The following EXOC4 variants were observed in gnomAD, a reference collection of about 807,000 sequenced individuals.
The protein encoded by EXOC4 is SEC8-like 1.
Under a neutral mutation model 107.2 loss-of-function variants are expected in EXOC4, and 71 were observed. The ratio of observed to expected loss-of-function variants is 0.66; its 90% CI spans 0.55 to 0.81. EXOC4 has a LOEUF of 0.81. Ranked by LOEUF, EXOC4 falls within the 30% of genes least tolerant of loss-of-function variation. The pLI is 0.00. For missense variants in EXOC4, 1,108 were observed against 1,189.6 expected, an observed-to-expected ratio of 0.93 and a Z score of 1.01; for synonymous variants, 456 against 441.2, an observed-to-expected ratio of 1.03 and a Z score of -0.42.
At chr7:134,045,793 C>T (rs764462721) in intron 17 of EXOC4, among the ~76,000 whole-genome samples, 2 of 152,084 alleles carry the variant, frequency 1.3e-5, no homozygotes, top group African/African-American at 2.4e-5. Flanking sequence ...CCAAACGCTA[C>T]CCCTGGCAAC....
intron 9 of EXOC4, among the ~76,000 whole-genome samples, chr7:133,493,182 T>C (rs1489555687): frequency 6.6e-6 from 1 of 152,184 alleles, no homozygotes; most frequent in Non-Finnish European, 1.5e-5. Context: ...CCCAGCACTT[T>C]GGGAGGCCGA....
Position 134,064,401 on chromosome 7 carries a change from A to G in EXOC4, c.2798A>G (p.His933Arg). ...TACATCCACGCTCTGACCCTGCTGC[A>G]CCGCAGCCAGACTGGGGTGGGGGAA... is the stretch of plus-strand genomic sequence containing the variant. ...LEYIHALTLL[H>R]RSQTGVGELT... is the part of the protein sequence containing the mutation. The change falls in exon 18 of 18, where the codon CAC (histidine) becomes CGC (arginine). Residue 933 changes from histidine to arginine, a missense_variant. Physicochemically the swap from His to Arg is conservative, Grantham distance 29. Transcript: ENST00000253861. 1 of 1,607,356 alleles carries G rather than the reference A, an allele frequency of 6.2e-7. No homozygotes were observed. The highest frequency in any genetic ancestry group is 8.5e-7 in the Non-Finnish European group (1 of 1,176,364).
chr7:134,072,020 C>T, the EXOC4 span, among the ~76,000 whole-genome samples: 5 of 152,348 alleles, frequency 3.3e-5, no homozygotes, highest in East Asian at 1.9e-4. Context: ...GCTTCTCCTC[C>T]ACCCACAGCT....
intron 7 of EXOC4, among the ~76,000 whole-genome samples, chr7:133,400,465 A>G (rs1797064955): frequency 6.6e-6 from 1 of 152,180 alleles, no homozygotes; most frequent in East Asian, 1.9e-4. Context: ...TATAGTGACC[A>G]GTTATTTGGG....
At chr7:133,915,130 G>C (rs1419125894) in intron 12 of EXOC4, among the ~76,000 whole-genome samples, 4 of 152,216 alleles carry the variant, frequency 2.6e-5, no homozygotes, top group African/African-American at 9.7e-5. Context: ...GAGATTTCAT[G>C]AATGAGAGGT....
intron 5 of EXOC4, among the ~76,000 whole-genome samples, chr7:133,353,023 T>C (rs922898321): frequency 6.6e-5 from 10 of 152,132 alleles, no homozygotes; most frequent in African/African-American, 2.2e-4. Flanking sequence ...TTCTTTTAAA[T>C]GCATTAGCCT....
chr7:133,253,405 G>C, intron 1 of EXOC4: 1 of 1,312,722 alleles, frequency 7.6e-7, no homozygotes, highest in Non-Finnish European at 9.7e-7. Context: ...CCCCGCCTCA[G>C]TCTTTTCTTT....
chr7:133,480,403 A>G (rs1584949783), intron 9 of EXOC4: 2 of 1,240,204 alleles, frequency 1.6e-6, no homozygotes, highest in Non-Finnish European at 2.0e-6. Context: ...TTGCTTAAAC[A>G]GAAGACCTGA....
intron 10 of EXOC4, among the ~76,000 whole-genome samples, chr7:133,662,005 T>G (rs1443625890): frequency 6.6e-6 from 1 of 152,182 alleles, no homozygotes; most frequent in Non-Finnish European, 1.5e-5. Context: ...GAGCCTTTTA[T>G]GTGGATGAGC....
intron 9 of EXOC4, among the ~76,000 whole-genome samples, chr7:133,572,183 T>G (rs187741411): frequency 5.3e-5 from 8 of 152,290 alleles, no homozygotes; most frequent in Admixed American, 5.2e-4. Context: ...AGGAGGCAAT[T>G]ATTTGGATGG....
At chr7:133,823,675 G>C (rs1797579492) in intron 11 of EXOC4, among the ~76,000 whole-genome samples, 1 of 149,462 alleles carries the variant, frequency 6.7e-6, no homozygotes, top group Admixed American at 6.7e-5. Context: ...AATTAGCCAG[G>C]TGTGGTGGTA....
chr7:134,067,634 T>TACACAC (rs375285410), downstream of EXOC4, among the ~76,000 whole-genome samples: 15,680 of 132,752 alleles, frequency 0.12, 984 homozygotes, highest in Admixed American at 0.19. Flanking sequence ...CTTATATATA[T>TACACAC]ATATACACAC....
chr7:133,677,285 A>G (rs907926092), intron 10 of EXOC4, among the ~76,000 whole-genome samples: 6 of 152,138 alleles, frequency 3.9e-5, no homozygotes, highest in African/African-American at 1.2e-4. Context: ...TTGTCATTCC[A>G]TAAGCCTTCT....
intron 10 of EXOC4, among the ~76,000 whole-genome samples, chr7:133,638,770 G>A (rs972731379): frequency 2.0e-5 from 3 of 152,134 alleles, no homozygotes; most frequent in Non-Finnish European, 4.4e-5. Context: ...TGGGACCAAC[G>A]CTGTATTTCC....
chr7:133,291,812 ATCTT>A (rs1438596460), intron 3 of EXOC4, among the ~76,000 whole-genome samples: 1 of 152,046 alleles, frequency 6.6e-6, no homozygotes, highest in East Asian at 1.9e-4. Context: ...ATCTAATTTT[ATCTT>A]TCTTCTATAT....
At chr7:133,261,222 T>C (rs1584757449) in intron 1 of EXOC4, among the ~76,000 whole-genome samples, 1 of 151,242 alleles carries the variant, frequency 6.6e-6, no homozygotes, top group African/African-American at 2.5e-5. Flanking sequence ...TGGGTTTCCA[T>C]TGATTAATTT....
intron 2 of EXOC4, among the ~76,000 whole-genome samples, chr7:133,280,577 A>G (rs1295998314): frequency 1.3e-5 from 2 of 152,152 alleles, no homozygotes; most frequent in Non-Finnish European, 2.9e-5. Flanking sequence ...TTAACATTTC[A>G]TCCCAATTTT....
chr7:133,608,547 T>TTTC, intron 9 of EXOC4, among the ~76,000 whole-genome samples: 1 of 69,668 alleles, frequency 1.4e-5, no homozygotes, highest in South Asian at 4.4e-4. Context: ...GCTGTATTTC[T>TTTC]TTTTTTTTTT....
chr7:134,005,924 A>G (rs939662929), intron 16 of EXOC4, among the ~76,000 whole-genome samples: 5 of 152,226 alleles, frequency 3.3e-5, no homozygotes, highest in African/African-American at 1.2e-4. Flanking sequence ...CCTTAAATGT[A>G]TATGGAGTTA....
Sources: allele counts gnomAD v4.1 joint callset (sites outside exome capture counted in the v4.1 genomes callset), GRCh38; gene constraint gnomAD v4.1.1; transcripts MANE v1.5; gene names NCBI Gene and HGNC (gene_info 2026-07-23, HGNC 2026-07-21).